The following INPP4B variants were observed in gnomAD, a reference collection of about 807,000 sequenced individuals.
INPP4B encodes the protein inositol polyphosphate-4-phosphatase type II B.
A neutral mutation model predicts 122.5 loss-of-function variants in INPP4B; 55 were observed. The observed-to-expected ratio is 0.45, with a 90% confidence interval of 0.36 to 0.56. The LOEUF (loss-of-function observed/expected upper bound fraction) is 0.56, where lower values mean the gene tolerates loss of function less well. INPP4B is among the 20% of genes least tolerant of loss of function. The probability of loss-of-function intolerance (pLI) is 0.00; values close to 1 mark genes in which losing one functional copy is unlikely to be tolerated. For missense variants in INPP4B, 1,000 were observed against 1,097.7 expected, an observed-to-expected ratio of 0.91 and a Z score of 1.26; for synonymous variants, 403 against 388.7, an observed-to-expected ratio of 1.04 and a Z score of -0.43.
intron 1 of INPP4B, among the ~76,000 whole-genome samples, chr4:142,798,425 A>G (rs1350568014): frequency 6.6e-6 from 1 of 151,936 alleles, no homozygotes; most frequent in East Asian, 1.9e-4. Context: ...GTTTCAGAAC[A>G]GAATGTGAAT....
rs181831945 is a variant in INPP4B at position 142,403,535 on chromosome 4, G to C, written c.256-481C>G. On this transcript the variant is annotated intron_variant, in intron 6 of 25. Transcript: ENST00000262992. ...GTGTCCATTTGTTTTTAGATGTTCA[G>C]CTATGATTTTTTTTTTCCTCAGAAT... Among the ~76,000 whole-genome samples the C allele has an allele frequency of 3.2e-4, 49 of 152,056 alleles. 1 individual carries two copies. In the East Asian group the frequency reaches 6.6e-3, roughly 20 times the overall value.
intron 2 of INPP4B, among the ~76,000 whole-genome samples, chr4:142,572,098 T>C (rs1013986923): frequency 1.3e-5 from 2 of 152,160 alleles, no homozygotes; most frequent in African/African-American, 2.4e-5. Context: ...ATTACTTTTA[T>C]CTTCTCTTTC....
At chr4:142,153,504 G>C (rs762849599) in intron 17 of INPP4B, among the ~76,000 whole-genome samples, 1 of 152,012 alleles carries the variant, frequency 6.6e-6, no homozygotes, top group Non-Finnish European at 1.5e-5. Context: ...TTATACACAG[G>C]CACATCAAAA....
intron 1 of INPP4B, among the ~76,000 whole-genome samples, chr4:142,767,218 G>A (rs78779665): frequency 0.025 from 3,813 of 152,170 alleles, 62 homozygotes; most frequent in Middle Eastern, 0.095. Context: ...TTCTTCTTCC[G>A]GTGGGGGAGG....
At chr4:142,174,592 G>A (rs1827180904) in intron 15 of INPP4B, among the ~76,000 whole-genome samples, 3 of 151,314 alleles carry the variant, frequency 2.0e-5, no homozygotes, top group Non-Finnish European at 4.4e-5. Context: ...AACATACAAA[G>A]AAATCTAAAA....
At chr4:142,396,365 G>T (rs186611066) in intron 7 of INPP4B, among the ~76,000 whole-genome samples, 46 of 152,088 alleles carry the variant, frequency 3.0e-4, no homozygotes, top group African/African-American at 1.1e-3. Context: ...AGGAAAACGT[G>T]CTCAACATAA....
At chr4:142,224,682 A>T (rs1850764514) in intron 12 of INPP4B, among the ~76,000 whole-genome samples, 1 of 152,120 alleles carries the variant, frequency 6.6e-6, no homozygotes, top group East Asian at 1.9e-4. Flanking sequence ...TAGATTTAGG[A>T]TATAGATACA....
chr4:142,369,638 T>C (rs974055778), intron 7 of INPP4B, among the ~76,000 whole-genome samples: 6 of 148,818 alleles, frequency 4.0e-5, no homozygotes. Context: ...ATAAAAAAAA[T>C]AAAAAAGGCT....
At chr4:142,812,875 G>A (rs1384438340) in intron 1 of INPP4B, among the ~76,000 whole-genome samples, 1 of 152,038 alleles carries the variant, frequency 6.6e-6, no homozygotes, top group Non-Finnish European at 1.5e-5. Flanking sequence ...ATACCCATCT[G>A]GAACATCTTA....
At chr4:142,421,140 C>A (rs747221032) in intron 5 of INPP4B, among the ~76,000 whole-genome samples, 23 of 152,120 alleles carry the variant, frequency 1.5e-4, no homozygotes, top group Non-Finnish European at 3.2e-4. Flanking sequence ...TAGTTGGAAG[C>A]TATATTGCCT....
chr4:142,246,781 C>A (rs916536405), intron 11 of INPP4B, among the ~76,000 whole-genome samples: 2 of 152,180 alleles, frequency 1.3e-5, no homozygotes, highest in African/African-American at 2.4e-5. Flanking sequence ...ATCTGAATAC[C>A]CTTTATTTCC....
intron 2 of INPP4B, among the ~76,000 whole-genome samples, chr4:142,707,435 T>C (rs1166652876): frequency 6.6e-6 from 1 of 152,218 alleles, no homozygotes; most frequent in Non-Finnish European, 1.5e-5. Context: ...TGTTGAATTG[T>C]AATCTGCAGT....
chr4:142,458,326 T>C (rs897833217), intron 3 of INPP4B, among the ~76,000 whole-genome samples: 4 of 152,140 alleles, frequency 2.6e-5, no homozygotes, highest in Non-Finnish European at 4.4e-5. Flanking sequence ...GGGATAATGT[T>C]AAGTGTTCTG....
chr4:142,306,475 T>C (rs1482625105), intron 8 of INPP4B, among the ~76,000 whole-genome samples: 1 of 152,164 alleles, frequency 6.6e-6, no homozygotes, highest in Non-Finnish European at 1.5e-5. Context: ...CAGAACAGTC[T>C]CTCATCATAG....
At chr4:142,385,834 A>T (rs1398547663) in intron 7 of INPP4B, among the ~76,000 whole-genome samples, 2 of 152,158 alleles carry the variant, frequency 1.3e-5, no homozygotes, top group Non-Finnish European at 2.9e-5. Context: ...TGATGTTTTG[A>T]TATATGTTCA....
chr4:142,407,030 AC>A (rs1803554355), intron 5 of INPP4B, among the ~76,000 whole-genome samples: 1 of 152,108 alleles, frequency 6.6e-6, no homozygotes, highest in Non-Finnish European at 1.5e-5. Context: ...AACCCAAGAG[AC>A]TTAGAGTTTT....
chr4:142,717,286 T>C (rs573033606), intron 2 of INPP4B, among the ~76,000 whole-genome samples: 1 of 152,346 alleles, frequency 6.6e-6, no homozygotes, highest in East Asian at 1.9e-4. Context: ...TAATATACAT[T>C]AACTACTTAC....
chr4:142,549,256 C>T (rs541034486), intron 2 of INPP4B, among the ~76,000 whole-genome samples: 2 of 152,216 alleles, frequency 1.3e-5, no homozygotes, highest in Admixed American at 1.3e-4. Context: ...ACCCCCATCA[C>T]TGTTGTTGGT....
At chr4:142,345,581 G>T (rs1042697049) in intron 7 of INPP4B, among the ~76,000 whole-genome samples, 2 of 151,920 alleles carry the variant, frequency 1.3e-5, no homozygotes, top group Non-Finnish European at 1.5e-5. Flanking sequence ...GCACATACTT[G>T]GTGGGAAACC....
Sources: allele counts gnomAD v4.1 joint callset (sites outside exome capture counted in the v4.1 genomes callset), GRCh38; gene constraint gnomAD v4.1.1; transcripts MANE v1.5; gene names NCBI Gene and HGNC (gene_info 2026-07-23, HGNC 2026-07-21).